LINC00305: variants seen among roughly 807,000 people sequenced by gnomAD.
LINC00305 encodes the protein long intergenic non-protein coding RNA 305.
intron 3 of LINC00305, among the ~76,000 whole-genome samples, chr18:64,088,613 A>C (rs998083902): frequency 5.9e-5 from 9 of 152,360 alleles, no homozygotes; most frequent in Admixed American, 5.9e-4. Flanking sequence ...ACCATATTGT[A>C]ATCATACATG....
chr18:64,121,278 T>A (rs963576695), intron 1 of LINC00305, among the ~76,000 whole-genome samples: 1 of 152,036 alleles, frequency 6.6e-6, no homozygotes, highest in Non-Finnish European at 1.5e-5. Context: ...AAGTCAGGGC[T>A]TTTAGAGTAT....
At chr18:64,136,583 C>T (rs140008364) in intron 1 of LINC00305, among the ~76,000 whole-genome samples, 25 of 152,112 alleles carry the variant, frequency 1.6e-4, no homozygotes, top group African/African-American at 5.6e-4. Flanking sequence ...TTGACACCTG[C>T]GGATTATTAC....
intron 3 of LINC00305, among the ~76,000 whole-genome samples, chr18:64,082,571 G>A (rs1195602976): frequency 1.3e-5 from 2 of 152,184 alleles, no homozygotes; most frequent in Non-Finnish European, 1.5e-5. Context: ...AGCTACAGTG[G>A]CAGAGACAGA....
chr18:64,145,662 T>C (rs1407458215), intron 1 of LINC00305, among the ~76,000 whole-genome samples: 1 of 152,172 alleles, frequency 6.6e-6, no homozygotes, highest in East Asian at 1.9e-4. Flanking sequence ...GTAATCCACC[T>C]GCCTTGGCCT....
intron 1 of LINC00305, among the ~76,000 whole-genome samples, chr18:64,113,354 T>C (rs1325172118): frequency 4.6e-5 from 7 of 152,222 alleles, no homozygotes; most frequent in Admixed American, 1.3e-4. Context: ...GAGATTATTA[T>C]CATTATTACC....
intron 1 of LINC00305, among the ~76,000 whole-genome samples, chr18:64,138,838 T>C (rs186442072): frequency 2.0e-5 from 3 of 152,322 alleles, no homozygotes; most frequent in East Asian, 3.9e-4. Flanking sequence ...CCACCACTTA[T>C]TGTTTTTTGA....
intron 1 of LINC00305, among the ~76,000 whole-genome samples, chr18:64,128,197 T>C (rs2051393617): frequency 6.6e-6 from 1 of 152,142 alleles, no homozygotes; most frequent in Admixed American, 6.6e-5. Flanking sequence ...AAGATTTAAA[T>C]AGAAAAGGTG....
intron 1 of LINC00305, among the ~76,000 whole-genome samples, chr18:64,132,323 A>C (rs1035294789): frequency 2.6e-5 from 4 of 152,226 alleles, no homozygotes; most frequent in African/African-American, 9.6e-5. Context: ...ATTAAGAGAT[A>C]ATTAATTTTA....
chr18:64,144,695 C>T (rs1186549457), intron 1 of LINC00305, among the ~76,000 whole-genome samples: 1 of 152,034 alleles, frequency 6.6e-6, no homozygotes, highest in African/African-American at 2.4e-5. Context: ...CCTGAAACTA[C>T]TGCTATGGAA....
chr18:64,147,291 A>G (rs1306403908), intron 1 of LINC00305: 2 of 152,184 alleles, frequency 1.3e-5, no homozygotes, highest in Non-Finnish European at 2.9e-5. Context: ...TTTATGTGGC[A>G]ACATAAGAAT....
intron 3 of LINC00305, among the ~76,000 whole-genome samples, chr18:64,091,590 G>A (rs182833590): frequency 3.3e-5 from 5 of 152,278 alleles, no homozygotes; most frequent in Admixed American, 3.3e-4. Flanking sequence ...GGAAACTGAG[G>A]TTTAGAGAGG....
chr18:64,146,359 T>C (rs900147240), intron 1 of LINC00305, among the ~76,000 whole-genome samples: 1 of 152,222 alleles, frequency 6.6e-6, no homozygotes, highest in Non-Finnish European at 1.5e-5. Context: ...AACCGTATTT[T>C]ATGTAGTTGG....
At chr18:64,122,017 C>CT (rs1205437965) in intron 1 of LINC00305, among the ~76,000 whole-genome samples, 2 of 151,988 alleles carry the variant, frequency 1.3e-5, no homozygotes, top group African/African-American at 2.4e-5. Flanking sequence ...CTTTTGCCCA[C>CT]TTTTTAATGG....
chr18:64,138,098 A>C (rs2051443792), intron 1 of LINC00305, among the ~76,000 whole-genome samples: 1 of 152,214 alleles, frequency 6.6e-6, no homozygotes, highest in Non-Finnish European at 1.5e-5. Flanking sequence ...CAGCAGATCA[A>C]GTAGATAACA....
chr18:64,121,014 T>A (rs2051359499), intron 1 of LINC00305, among the ~76,000 whole-genome samples: 1 of 152,084 alleles, frequency 6.6e-6, no homozygotes, highest in African/African-American at 2.4e-5. Flanking sequence ...TATTTTACTT[T>A]AAAAGTATAT....
chr18:64,116,374 C>T (rs535634600), intron 1 of LINC00305, among the ~76,000 whole-genome samples: 1 of 152,140 alleles, frequency 6.6e-6, no homozygotes, highest in African/African-American at 2.4e-5. Context: ...GTTATGTTTG[C>T]TCCTAATGTT....
At chr18:64,086,775 T>C (rs2051205211) in intron 3 of LINC00305, among the ~76,000 whole-genome samples, 1 of 152,214 alleles carries the variant, frequency 6.6e-6, no homozygotes, top group African/African-American at 2.4e-5. Context: ...TTTTTGATTG[T>C]TTAGGCCCAT....
intron 1 of LINC00305, among the ~76,000 whole-genome samples, chr18:64,111,034 T>C (rs943911188): frequency 5.3e-5 from 8 of 152,348 alleles, no homozygotes; most frequent in Middle Eastern, 3.4e-3. Context: ...GTCTGTATTT[T>C]GTTAAATGTT....
chr18:64,086,830 G>A (rs540757546), intron 3 of LINC00305, among the ~76,000 whole-genome samples: 77 of 152,326 alleles, frequency 5.1e-4, no homozygotes, highest in Admixed American at 1.3e-3. Context: ...TCTATAAGCA[G>A]AAGCTGCCTG....
Sources: allele counts gnomAD v4.1 joint callset (sites outside exome capture counted in the v4.1 genomes callset), GRCh38; gene constraint gnomAD v4.1.1; transcripts MANE v1.5; gene names NCBI Gene and HGNC (gene_info 2026-07-23, HGNC 2026-07-21).